Variants in ZNF423 observed in about 807,000 individuals in gnomAD.
ZNF423 encodes the protein zinc finger protein 423.
ZNF423 carries 12 observed loss-of-function variants against 95.8 expected under a neutral mutation model. That is an observed-to-expected ratio of 0.13 (90% confidence interval 0.08 to 0.20). ZNF423 has a LOEUF of 0.20. Among genes scored for constraint, ZNF423 ranks in the 10% least tolerant of loss-of-function variants. The pLI is 1.00. For missense variants in ZNF423, 1,316 were observed against 1,737.1 expected, an observed-to-expected ratio of 0.76 and a Z score of 4.31; for synonymous variants, 749 against 711.9, an observed-to-expected ratio of 1.05 and a Z score of -0.83.
rs1440613008 is a variant in ZNF423, at chr16:49,686,208, A to G, written c.301+44563T>C. 2.6e-5 allele frequency among the ~76,000 whole-genome samples: 4 copies of G among 152,320 alleles called. No homozygotes were observed. In the East Asian group the frequency reaches 7.7e-4, roughly 29 times the overall value. On this transcript the variant is annotated intron_variant, in intron 3 of 7. Coordinates refer to ENST00000563137, the MANE Select transcript of ZNF423 (RefSeq NM_001379286.1). ...CTGTTGTATGCCCAGCACTCAGCACACAGCCTGGCACAAAGTAGGTGCTCA... is the reference window on the plus strand; with the variant it reads ...CTGTTGTATGCCCAGCACTCAGCACGCAGCCTGGCACAAAGTAGGTGCTCA...
intron 2 of ZNF423, among the ~76,000 whole-genome samples, chr16:49,760,565 C>T (rs918011303): frequency 2.0e-5 from 3 of 151,974 alleles, no homozygotes; most frequent in South Asian, 4.2e-4. Flanking sequence ...ATAGAGGATA[C>T]GAAGATGACC....
chr16:49,576,380 C>T (rs1478725860), intron 5 of ZNF423, among the ~76,000 whole-genome samples: 1 of 152,200 alleles, frequency 6.6e-6, no homozygotes, highest in Non-Finnish European at 1.5e-5. Flanking sequence ...CAGGCAAGAG[C>T]AGTAGCTGGG....
At chr16:49,789,644 C>T (rs2034379263) in intron 1 of ZNF423, 98 bp from the exon 2 acceptor site, 1 of 1,219,028 alleles carries the variant, frequency 8.2e-7, no homozygotes, top group Non-Finnish European at 1.1e-6. Context: ...TGTGGGGGTC[C>T]TTATTATAAT....
At chr16:49,622,037 G>C (rs564872801) in intron 5 of ZNF423, among the ~76,000 whole-genome samples, 1 of 152,270 alleles carries the variant, frequency 6.6e-6, no homozygotes, top group Non-Finnish European at 1.5e-5. Context: ...GCTCCCTAGC[G>C]CTTAAGTCCA....
rs530955636 is a variant in ZNF423, at chr16:49,837,390, G to A, written c.40+18345C>T. Among the ~76,000 whole-genome samples the A allele has an allele frequency of 2.0e-5, 3 of 152,282 alleles. No individual in the cohort carries two copies. The East Asian group carries it at 5.8e-4, about 29-fold the overall frequency. On this transcript the variant is annotated intron_variant, in intron 1 of 7. Coordinates refer to ENST00000563137, the MANE Select transcript of ZNF423 (RefSeq NM_001379286.1). ...CCAGACCCCCACAACCTACTCCCTG[G>A]AAACTTGGAGGTGCCTGTGAGAGCC...
chr16:49,738,772 T>A (rs944297952), intron 2 of ZNF423, among the ~76,000 whole-genome samples: 1 of 151,706 alleles, frequency 6.6e-6, no homozygotes, highest in African/African-American at 2.4e-5. Flanking sequence ...TGGAAAGGCT[T>A]CCCCACCTCT....
chr16:49,567,037 G>A (rs1970216723), intron 5 of ZNF423, among the ~76,000 whole-genome samples: 1 of 152,198 alleles, frequency 6.6e-6, no homozygotes, highest in Admixed American at 6.5e-5. Flanking sequence ...AGAAAGGAAT[G>A]GGCCCAAATT....
chr16:49,688,212 G>C (rs914840182), intron 3 of ZNF423, among the ~76,000 whole-genome samples: 1 of 152,044 alleles, frequency 6.6e-6, no homozygotes, highest in South Asian at 2.1e-4. Context: ...CCCAGGGACC[G>C]AGCTTAAGTA....
intron 1 of ZNF423, among the ~76,000 whole-genome samples, chr16:49,838,616 G>A (rs1353541786): frequency 6.6e-6 from 1 of 152,098 alleles, no homozygotes; most frequent in Non-Finnish European, 1.5e-5. Context: ...GCCCACCCAA[G>A]GGCGGCACCA....
At chr16:49,628,012 C>A (rs1470783336) in intron 4 of ZNF423, among the ~76,000 whole-genome samples, 1 of 151,118 alleles carries the variant, frequency 6.6e-6, no homozygotes, top group Admixed American at 6.6e-5. Flanking sequence ...ATCCATCCAT[C>A]TACATACATA....
chr16:49,516,793 AG>A (rs1968165516), intron 7 of ZNF423, among the ~76,000 whole-genome samples: 1 of 152,192 alleles, frequency 6.6e-6, no homozygotes, highest in Admixed American at 6.5e-5. Flanking sequence ...AGCTCACTGG[AG>A]CAGGGTGGAC....
intron 3 of ZNF423, among the ~76,000 whole-genome samples, chr16:49,694,205 G>A (rs2031888577): frequency 6.6e-6 from 1 of 152,228 alleles, no homozygotes; most frequent in Admixed American, 6.5e-5. Flanking sequence ...GGGAGCAGGA[G>A]GGAGAGGGAG....
At chr16:49,818,409 A>G (rs1040055394) in intron 1 of ZNF423, among the ~76,000 whole-genome samples, 2 of 152,182 alleles carry the variant, frequency 1.3e-5, no homozygotes, top group African/African-American at 4.8e-5. Context: ...TTAAATAAAA[A>G]TTAACCAAAA....
At chr16:49,664,098 C>T (rs577710386) in intron 3 of ZNF423, 1 of 985,500 alleles carries the variant, frequency 1.0e-6, no homozygotes, top group African/African-American at 1.7e-5. Context: ...TACCTTTCCC[C>T]CTGCTCACCA....
Position 49,855,529 on chromosome 16 carries a change from G to GCCGCCT in ZNF423, c.40+205_40+206insAGGCGG, listed in dbSNP as rs2035354952. The stretch of plus-strand genomic sequence containing the variant: ...TACCCCCTCCGCCGCCGCCGCCGCC[G>GCCGCCT]CCGCCGCCTCCGCCTCCTGCTCCCG... On this transcript the variant is annotated intron_variant, in intron 1 of 7. Transcript: ENST00000563137. This position sits in a 1 kb window ranked among gnomAD's most constrained non-coding sequence, Gnocchi z 4.7. Among the ~76,000 whole-genome samples, 1 of 146,428 alleles carries GCCGCCT rather than the reference G, an allele frequency of 6.8e-6. No individual in the cohort carries two copies. The highest frequency in any genetic ancestry group is 2.5e-5 in the African/African-American group (1 of 39,420).
At chr16:49,783,259 G>A (rs541134120) in intron 2 of ZNF423, among the ~76,000 whole-genome samples, 1 of 151,654 alleles carries the variant, frequency 6.6e-6, no homozygotes, top group Non-Finnish European at 1.5e-5. Flanking sequence ...GGATGGGTGG[G>A]AGAGGGGGTG....
chr16:49,491,391 G>A, intron 7 of ZNF423, 87 bp from the exon 8 acceptor site: 2 of 1,536,574 alleles, frequency 1.3e-6, no homozygotes, highest in South Asian at 1.1e-5. Context: ...TACGCCGGGA[G>A]CCGCAGAAAA....
At chr16:49,691,651 G>A (rs1354765322) in intron 3 of ZNF423, among the ~76,000 whole-genome samples, 1 of 151,968 alleles carries the variant, frequency 6.6e-6, no homozygotes, top group Non-Finnish European at 1.5e-5. Context: ...AGAATGGCGT[G>A]AACCTGGGAG....
intron 5 of ZNF423, among the ~76,000 whole-genome samples, chr16:49,554,460 C>T (rs781517024): frequency 1.3e-5 from 2 of 152,114 alleles, no homozygotes; most frequent in Non-Finnish European, 2.9e-5. Context: ...CCTACTTTGT[C>T]CAGTCTAAAC....
Sources: allele counts gnomAD v4.1 joint callset (sites outside exome capture counted in the v4.1 genomes callset), GRCh38; gene constraint gnomAD v4.1.1; non-coding constraint Gnocchi (gnomAD v3.1); transcripts MANE v1.5; gene names NCBI Gene and HGNC (gene_info 2026-07-23, HGNC 2026-07-21).